The following AUTS2 variants were observed in gnomAD, a reference collection of about 807,000 sequenced individuals.
The protein encoded by AUTS2 is autism susceptibility gene 2 protein.
A neutral mutation model predicts 112.4 loss-of-function variants in AUTS2; 17 were observed. That is an observed-to-expected ratio of 0.15 (90% CI 0.10 to 0.23). The LOEUF (loss-of-function observed/expected upper bound fraction) is 0.23, where lower values mean the gene tolerates loss of function less well. Ranked by LOEUF, AUTS2 falls within the 10% of genes least tolerant of loss-of-function variation. AUTS2 has a pLI of 1.00. For missense variants in AUTS2, 1,510 were observed against 1,701.6 expected, an observed-to-expected ratio of 0.89 and a Z score of 1.98; for synonymous variants, 751 against 702.7, an observed-to-expected ratio of 1.07 and a Z score of -1.09.
chr7:70,666,999 T>TC (rs956172352), intron 5 of AUTS2, among the ~76,000 whole-genome samples: 3 of 149,658 alleles, frequency 2.0e-5, no homozygotes, highest in Admixed American at 6.7e-5. Flanking sequence ...AAAGTTTCCT[T>TC]CCCCCCTCTT....
chr7:69,885,799 TC>T (rs1294190946), intron 1 of AUTS2, among the ~76,000 whole-genome samples: 1 of 152,220 alleles, frequency 6.6e-6, no homozygotes, highest in Non-Finnish European at 1.5e-5. Context: ...GTAAACTTTT[TC>T]CAATGCTGAG....
At chr7:70,004,329 A>G (rs1584561063) in intron 2 of AUTS2, among the ~76,000 whole-genome samples, 1 of 132,804 alleles carries the variant, frequency 7.5e-6, no homozygotes, top group African/African-American at 2.7e-5. Context: ...TATATAATAT[A>G]TATATGAATA....
chr7:69,656,950 C>T (rs1156930569), intron 1 of AUTS2, among the ~76,000 whole-genome samples: 2 of 152,158 alleles, frequency 1.3e-5, no homozygotes, highest in African/African-American at 2.4e-5. Flanking sequence ...AAAGATAGTC[C>T]TTTTGCCAGA....
At chr7:70,116,583 T>C (rs1805367280) in intron 2 of AUTS2, among the ~76,000 whole-genome samples, 1 of 152,212 alleles carries the variant, frequency 6.6e-6, no homozygotes, top group Non-Finnish European at 1.5e-5. Flanking sequence ...CACGTTTTCA[T>C]TCATGCACCC....
At chr7:70,098,464 A>G (rs1176699165) in intron 2 of AUTS2, among the ~76,000 whole-genome samples, 3 of 152,186 alleles carry the variant, frequency 2.0e-5, no homozygotes, top group Admixed American at 2.0e-4. Context: ...CCACTGCAGA[A>G]CAATAAAAGC....
chr7:69,689,673 T>A (rs1355344391), intron 1 of AUTS2, among the ~76,000 whole-genome samples: 2 of 140,292 alleles, frequency 1.4e-5, no homozygotes, highest in South Asian at 4.7e-4. Context: ...TATTTATTTA[T>A]TTATTTATTT....
intron 6 of AUTS2, among the ~76,000 whole-genome samples, chr7:70,757,990 C>T (rs1313471352): frequency 6.6e-6 from 1 of 151,902 alleles, no homozygotes; most frequent in Non-Finnish European, 1.5e-5. Flanking sequence ...CCATGTTGGC[C>T]AGGCTGGTGT....
At chr7:69,956,913 A>ATGT (rs10656553) in intron 2 of AUTS2, among the ~76,000 whole-genome samples, 37,569 of 151,946 alleles carry the variant, frequency 0.25, 4,599 homozygotes, top group Middle Eastern at 0.33. Context: ...TCCAGGCTGT[A>ATGT]ATGCAGTGGT....
chr7:70,254,336 C>T (rs1584937055), intron 4 of AUTS2, among the ~76,000 whole-genome samples: 1 of 152,152 alleles, frequency 6.6e-6, no homozygotes, highest in African/African-American at 2.4e-5. Flanking sequence ...AGTCTTCACT[C>T]ATGCTTTCAA....
chr7:69,649,150 C>T (rs1326424659), intron 1 of AUTS2, among the ~76,000 whole-genome samples: 2 of 152,102 alleles, frequency 1.3e-5, no homozygotes, highest in African/African-American at 2.4e-5. Flanking sequence ...AGAAAATCAG[C>T]CAGTTTTTCA....
chr7:70,008,595 C>T (rs1391176785), intron 2 of AUTS2, among the ~76,000 whole-genome samples: 3 of 152,170 alleles, frequency 2.0e-5, no homozygotes, highest in Admixed American at 6.5e-5. Context: ...CACCCAGACT[C>T]AGCATCAGAA....
At position 70,793,469 on chromosome 7, in the gene AUTS2, A is replaced by C. The variant is rs1792086776; in HGVS notation, c.*2473A>C. 1 of 152,184 alleles carries C rather than the reference A, an allele frequency of 6.6e-6. No homozygotes were observed. The highest frequency in any genetic ancestry group is 1.5e-5 in the Non-Finnish European group (1 of 68,040). 9.4% of individuals were successfully genotyped at this position (152,184 alleles called of 1,614,324 possible). A position where few individuals can be genotyped will look rare whatever the true frequency, so the allele number is the denominator to read the frequency against. ...TTTTGTTTTTTTCCATGATGTTAAA[A>C]AAACAAAAAAATGTTAAATTTTCTT... On this transcript the variant is annotated 3_prime_UTR_variant, in exon 19 of 19. Coordinates refer to ENST00000342771, the MANE Select transcript of AUTS2 (RefSeq NM_015570.4).
chr7:69,926,217 T>C (rs1288654336), intron 2 of AUTS2, among the ~76,000 whole-genome samples: 1 of 150,106 alleles, frequency 6.7e-6, no homozygotes, highest in African/African-American at 2.4e-5. Flanking sequence ...TCCTTACGGA[T>C]TTTTTGCCTG....
chr7:69,637,637 AAC>A (rs1194486171), intron 1 of AUTS2, among the ~76,000 whole-genome samples: 9 of 152,360 alleles, frequency 5.9e-5, no homozygotes, highest in African/African-American at 1.9e-4. Context: ...AGGATTCTGA[AAC>A]AGTGTTTTCA....
intron 4 of AUTS2, among the ~76,000 whole-genome samples, chr7:70,281,147 G>A (rs925401094): frequency 6.6e-6 from 1 of 152,126 alleles, no homozygotes; most frequent in African/African-American, 2.4e-5. Context: ...TAAATTTGGT[G>A]CACTCAAGTA....
At chr7:70,549,442 G>A (rs1191996997) in intron 5 of AUTS2, among the ~76,000 whole-genome samples, 10 of 152,192 alleles carry the variant, frequency 6.6e-5, no homozygotes, top group Non-Finnish European at 1.2e-4. Context: ...TGATATCAAT[G>A]AGGAGACAAA....
intron 2 of AUTS2, among the ~76,000 whole-genome samples, chr7:70,035,254 T>A (rs768647654): frequency 1.3e-5 from 2 of 152,206 alleles, no homozygotes; most frequent in Non-Finnish European, 2.9e-5. Flanking sequence ...TCTAGGTCCA[T>A]TACTTATAAG....
intron 5 of AUTS2, among the ~76,000 whole-genome samples, chr7:70,689,172 C>T (rs1248102087): frequency 6.6e-6 from 1 of 151,992 alleles, no homozygotes; most frequent in African/African-American, 2.4e-5. Flanking sequence ...GCCTGGGAAA[C>T]ATGGCAAAAC....
intron 2 of AUTS2, among the ~76,000 whole-genome samples, chr7:69,995,121 C>A (rs1040257504): frequency 3.6e-4 from 54 of 152,084 alleles, no homozygotes; most frequent in Admixed American, 3.3e-3. Flanking sequence ...GGCTTTAGAG[C>A]CACCACTGAT....
Sources: gnomAD v4.1 joint callset for allele counts (sites outside exome capture counted in the v4.1 genomes callset) on GRCh38, gnomAD v4.1.1 for gene constraint, MANE v1.5 for transcripts, NCBI Gene and HGNC (gene_info 2026-07-23, HGNC 2026-07-21) for gene names.